The following TRAF7 variants were observed in gnomAD, a reference collection of about 807,000 sequenced individuals.
TRAF7 encodes TNF receptor associated factor 7.
Under a neutral mutation model 89.3 loss-of-function variants are expected in TRAF7, and 45 were observed. The observed-to-expected ratio is 0.50, with a 90% CI of 0.40 to 0.65. TRAF7 has a LOEUF of 0.65. Among genes scored for constraint, TRAF7 ranks in the 30% least tolerant of loss-of-function variants. TRAF7 has a pLI of 0.00. For missense variants in TRAF7, 677 were observed against 918.1 expected (o/e 0.74, Z 3.39); for synonymous variants, 406 against 369.2 (o/e 1.10, Z -1.14).
intron 1 of TRAF7, among the ~76,000 whole-genome samples, chr16:2,156,707 A>G (rs1409472733): frequency 2.1e-5 from 2 of 93,506 alleles, no homozygotes; most frequent in African/African-American, 9.1e-5. Flanking sequence ...ATGAGGCCGG[A>G]CCAGGCTCAC....
At position 2,155,828 on chromosome 16, in the gene TRAF7, G is replaced by C. The variant is rs2141258593; in HGVS notation, c.-69G>C. The C allele has an allele frequency of 6.6e-6, 1 of 151,484 alleles. No individual in the cohort carries two copies. Among genetic ancestry groups the C allele is most frequent in the Admixed American group, 6.6e-5 (1 of 15,196 alleles). The allele number at this position is 151,484 out of a possible 1,614,324, so 9.4% of individuals were successfully genotyped here. A position where few individuals can be genotyped will look rare whatever the true frequency, so the allele number is the denominator to read the frequency against. On this transcript the variant is annotated 5_prime_UTR_variant, in exon 1 of 21. Transcript: ENST00000326181. Reference sequence around the variant, plus strand: ...AGGGGGCATCATGAAGCGGGCTGGCGGCGCTGCCGCTCCCGGGCGGCCGCG... The same window carrying C: ...AGGGGGCATCATGAAGCGGGCTGGCCGCGCTGCCGCTCCCGGGCGGCCGCG...
Position 2,163,857 on chromosome 16 carries a change from GC to G in TRAF7, c.-38-22del, listed in dbSNP as rs2093067060. ...CAGGGGCCTGGGCTCCATCTCTCAAGCCCCTCATTTGTGCTCCACCCACAGG... is the reference window on the plus strand; with the variant it reads ...CAGGGGCCTGGGCTCCATCTCTCAAGCCCTCATTTGTGCTCCACCCACAGG... On this transcript the variant is annotated intron_variant, in intron 1 of 20. Coordinates refer to ENST00000326181, the MANE Select transcript of TRAF7 (RefSeq NM_032271.3). This position sits in a 1 kb window ranked among gnomAD's most constrained non-coding sequence, Gnocchi z 4.3. 1.4e-6 allele frequency: 2 copies of G among 1,451,672 alleles called. No individual in the cohort carries two copies. The highest frequency in any genetic ancestry group is 1.9e-6 in the Non-Finnish European group (2 of 1,045,922). 89.9% of individuals were successfully genotyped at this position (1,451,672 alleles called of 1,614,324 possible).
intron 13 of TRAF7, 40 bp from the exon 14 acceptor site, chr16:2,174,211 C>G: frequency 1.2e-6 from 2 of 1,605,310 alleles, no homozygotes; most frequent in Non-Finnish European, 1.7e-6. Context: ...TGACACTGGG[C>G]TGACCTTGCT....
chr16:2,164,126 TGG>T, intron 2 of TRAF7, 125 bp downstream of exon 2: 4 of 519,834 alleles, frequency 7.7e-6, no homozygotes, highest in South Asian at 2.4e-5. Context: ...GGGAGCTCGG[TGG>T]GGGGGGGTGT....
chr16:2,175,772 G>T, intron 17 of TRAF7, 62 bp from the exon 18 acceptor site: 1 of 1,603,292 alleles, frequency 6.2e-7, no homozygotes, highest in Non-Finnish European at 8.5e-7. Context: ...AGCCCTGGGG[G>T]TGCGGGGGCC....
Position 2,173,219 on chromosome 16 carries a change from C to T in TRAF7, c.832C>T (p.His278Tyr). ...CGGGAACCAGGACACTTACGAGACC[C>T]ACCTGGAGACTTGCCGCTTCGAGGG... ...FIGNQDTYET[H>Y]LETCRFEGLK... is the part of the protein sequence containing the mutation. The change falls in exon 10 of 21, where the codon CAC becomes TAC. Residue 278 changes from histidine to tyrosine, a missense_variant. This residue lies in a region of TRAF7 where 238 missense variants were observed against 352.6 expected (regional missense o/e 0.67). Coordinates refer to ENST00000326181, the MANE Select transcript of TRAF7 (RefSeq NM_032271.3). The T allele has an allele frequency of 6.2e-7, 1 of 1,612,358 alleles. No individual in the cohort carries two copies.
chr16:2,159,839 C>G lies in TRAF7; in HGVS notation c.-39+3981C>G, dbSNP rs1006356388. On this transcript the variant is annotated intron_variant, in intron 1 of 20. Coordinates refer to ENST00000326181, the MANE Select transcript of TRAF7 (RefSeq NM_032271.3). The surrounding 1 kb of genome is among the most constrained non-coding windows in gnomAD (Gnocchi z 6.5). ...AGCTGCTTTAAGGCCGGGCCTGGCCCGAGCAGGGAGCTGCATCTGGAAGCC... is the reference window on the plus strand; with the variant it reads ...AGCTGCTTTAAGGCCGGGCCTGGCCGGAGCAGGGAGCTGCATCTGGAAGCC... Among the ~76,000 whole-genome samples the G allele has an allele frequency of 6.6e-6, 1 of 152,246 alleles. No homozygotes were observed. Among genetic ancestry groups the G allele is most frequent in the Non-Finnish European group, 1.5e-5 (1 of 68,028 alleles).
chr16:2,165,873 C>A lies in TRAF7; in HGVS notation c.82-6C>A. 6.2e-7 allele frequency: 1 copy of A among 1,614,122 alleles called. No homozygotes were observed. The highest frequency in any genetic ancestry group is 8.5e-7 in the Non-Finnish European group (1 of 1,179,966). Reference sequence around the variant, plus strand: ...TGAGGCCAGGTCTCCTCCGTCCTCCCTCTAGACCAGAATGGAAACGACCTT... The same window carrying A: ...TGAGGCCAGGTCTCCTCCGTCCTCCATCTAGACCAGAATGGAAACGACCTT... On this transcript the variant is annotated splice_region_variant and splice_polypyrimidine_tract_variant and intron_variant, in intron 2 of 20. Transcript: ENST00000326181.
At chr16:2,169,397 G>A (rs1431368532) in intron 4 of TRAF7, among the ~76,000 whole-genome samples, 1 of 152,072 alleles carries the variant, frequency 6.6e-6, no homozygotes, top group Admixed American at 6.6e-5. Context: ...TGCCTGCCTC[G>A]GTCTCCACAA....
rs1350353711 is a variant in TRAF7, at chr16:2,172,736, G to A, written c.794+137G>A. ...ACCGGGGTCTGTAATCCTCTCTGAGGCCCAAGGCCCTGGAAACCCAGAGGG... is the reference window on the plus strand; with the variant it reads ...ACCGGGGTCTGTAATCCTCTCTGAGACCCAAGGCCCTGGAAACCCAGAGGG... On this transcript the variant is annotated intron_variant, in intron 9 of 20. Transcript: ENST00000326181. 51 of 1,161,226 alleles carry A rather than the reference G, an allele frequency of 4.4e-5. No individual in the cohort carries two copies. In the Admixed American group the frequency reaches 1.4e-3, roughly 31 times the overall value. The allele number at this position is 1,161,226 out of a possible 1,614,324, so 71.9% of individuals were successfully genotyped here.
Position 2,177,172 on chromosome 16 carries a change from CA to C in TRAF7, c.*599del. On this transcript the variant is annotated 3_prime_UTR_variant, in exon 21 of 21. Transcript: ENST00000326181. ...ACACATGTGCCCCCAAAAAGTGAGC[CA>C]GGCACCTCTGTTTCCTGCTGTTTAT... 4.0e-6 allele frequency: 1 copy of C among 247,628 alleles called. No individual in the cohort carries two copies. The highest frequency in any genetic ancestry group is 8.0e-6 in the Non-Finnish European group (1 of 125,076). 15.3% of individuals were successfully genotyped at this position (247,628 alleles called of 1,614,324 possible). A position where few individuals can be genotyped will look rare whatever the true frequency, so the allele number is the denominator to read the frequency against.
At position 2,177,688 on chromosome 16, in the gene TRAF7, GCCCT is replaced by G. The variant is rs2093145201; in HGVS notation, c.*1115_*1118del. ...AAGCCCGTGGCCTGGCCTGCTACAT[GCCCT>G]GCTTCCACGTGGCTGCCACGCTGAC... On this transcript the variant is annotated 3_prime_UTR_variant, in exon 21 of 21. Coordinates refer to ENST00000326181, the MANE Select transcript of TRAF7 (RefSeq NM_032271.3). The G allele has an allele frequency of 4.1e-6, 1 of 244,858 alleles. No homozygotes were observed. The highest frequency in any genetic ancestry group is 8.0e-6 in the Non-Finnish European group (1 of 124,610). 15.2% of individuals were successfully genotyped at this position (244,858 alleles called of 1,614,324 possible).
rs2093143152 is a variant in TRAF7 at position 2,177,481 on chromosome 16, AGAG to A, written c.*911_*913del. On this transcript the variant is annotated 3_prime_UTR_variant, in exon 21 of 21. Coordinates refer to ENST00000326181, the MANE Select transcript of TRAF7 (RefSeq NM_032271.3). ...AACACTGTGGATCAGCAAACACGAT[AGAG>A]GAGACCAGTCAGTACTTCTTGGAGG... 8.6e-6 allele frequency: 2 copies of A among 233,046 alleles called. No individual in the cohort carries two copies. Among genetic ancestry groups the A allele is most frequent in the Non-Finnish European group, 1.7e-5 (2 of 117,874 alleles). 14.4% of individuals were successfully genotyped at this position (233,046 alleles called of 1,614,324 possible).
intron 1 of TRAF7, among the ~76,000 whole-genome samples, chr16:2,157,411 A>G (rs2141261567): frequency 6.6e-6 from 1 of 152,244 alleles, no homozygotes; most frequent in African/African-American, 2.4e-5. Context: ...GCCAAGTGTT[A>G]CGATATTTCT....
In TRAF7 at chr16:2,169,000, T is replaced by C. The variant is rs2093097904; in HGVS notation, c.231+832T>C. Among the ~76,000 whole-genome samples the C allele has an allele frequency of 6.6e-6, 1 of 152,178 alleles. No homozygotes were observed. Among genetic ancestry groups the C allele is most frequent in the Non-Finnish European group, 1.5e-5 (1 of 68,022 alleles). ...TTTTCTTTTTTCCTTTTTTCTTTTTTTTGAGACGGACTTTTGCTCTTGCTG... is the reference window on the plus strand; with the variant it reads ...TTTTCTTTTTTCCTTTTTTCTTTTTCTTGAGACGGACTTTTGCTCTTGCTG... On this transcript the variant is annotated intron_variant, in intron 4 of 20. Transcript: ENST00000326181. This position sits in a 1 kb window ranked among gnomAD's most constrained non-coding sequence, Gnocchi z 4.1.
At chr16:2,170,487 ACCCGCAG>A in intron 4 of TRAF7, 120 bp from the exon 5 acceptor site, 1 of 675,456 alleles carries the variant, frequency 1.5e-6, no homozygotes, top group South Asian at 1.7e-5. Context: ...CGAGGAGAGT[ACCCGCAG>A]GGACCGGGGT....
chr16:2,175,750 CA>C, intron 17 of TRAF7, 83 bp from the exon 18 acceptor site: 1 of 1,595,040 alleles, frequency 6.3e-7, no homozygotes, highest in Non-Finnish European at 8.6e-7. Context: ...GTGGGCTGCC[CA>C]GCAGTGCTGA....
At chr16:2,157,351 C>T (rs1231424858) in intron 1 of TRAF7, among the ~76,000 whole-genome samples, 1 of 151,912 alleles carries the variant, frequency 6.6e-6, no homozygotes, top group East Asian at 2.0e-4. Flanking sequence ...CAACCTGACG[C>T]CCCAACCTGA....
intron 6 of TRAF7, 90 bp downstream of exon 6, chr16:2,171,446 C>T (rs2093110157): frequency 6.5e-7 from 1 of 1,543,920 alleles, no homozygotes. Flanking sequence ...GGCGCCCTGG[C>T]CTTGGTCAAG....
Sources: allele counts gnomAD v4.1 joint callset (sites outside exome capture counted in the v4.1 genomes callset), GRCh38; gene constraint gnomAD v4.1.1; regional missense constraint gnomAD v4.1.1; non-coding constraint Gnocchi (gnomAD v3.1); transcripts MANE v1.5; gene names NCBI Gene and HGNC (gene_info 2026-07-23, HGNC 2026-07-21).